The following THSD7A variants were observed in gnomAD, a reference collection of about 807,000 sequenced individuals.
THSD7A encodes thrombospondin type-1 domain-containing protein 7A.
Under a neutral mutation model 231.3 loss-of-function variants are expected in THSD7A, and 96 were observed. That is an observed-to-expected ratio of 0.41 (90% confidence interval 0.35 to 0.49). THSD7A has a LOEUF of 0.49. Among genes scored for constraint, THSD7A ranks in the 20% least tolerant of loss-of-function variants. THSD7A has a pLI of 0.05. For missense variants in THSD7A, 2,290 were observed against 2,070.2 expected, an observed-to-expected ratio of 1.11 and a Z score of -2.06; for synonymous variants, 940 against 743.3, an observed-to-expected ratio of 1.26 and a Z score of -4.30.
rs1221623754 is a variant in THSD7A at position 11,683,241 on chromosome 7, AC to A, written c.191-46281del. Among the ~76,000 whole-genome samples, 3 of 152,020 alleles carry A rather than the reference AC, an allele frequency of 2.0e-5. No homozygotes were observed. In the East Asian group the frequency reaches 5.8e-4, roughly 29 times the overall value. ...CACACAAATACATGGAAACGAAACA[AC>A]TTGCTCCTAAATGACTTTTAGGTGA... On this transcript the variant is annotated intron_variant, in intron 1 of 27. Transcript: ENST00000423059.
Position 11,456,286 on chromosome 7 carries a change from C to T in THSD7A, c.2605+4376G>A, listed in dbSNP as rs11770077. 5.8e-3 allele frequency among the ~76,000 whole-genome samples: 874 copies of T among 151,968 alleles called. 8 individuals are homozygous for T. The highest frequency in any genetic ancestry group is 8.5e-3 in the Non-Finnish European group (580 of 67,890). On this transcript the variant is annotated intron_variant, in intron 11 of 27. Coordinates refer to ENST00000423059, the MANE Select transcript of THSD7A (RefSeq NM_015204.3). ...TGTTTTTCTCTCTTGTCTTCCATAG[C>T]CCATGTATTTTCTGGTTTCACCTTT...
intron 4 of THSD7A, among the ~76,000 whole-genome samples, chr7:11,577,812 A>G (rs1455609800): frequency 1.3e-5 from 2 of 151,910 alleles, no homozygotes; most frequent in Non-Finnish European, 2.9e-5. Flanking sequence ...GAGTAACCTA[A>G]CAATCCGAGG....
At chr7:11,534,427 C>G (rs769939619) in intron 6 of THSD7A, among the ~76,000 whole-genome samples, 6 of 152,134 alleles carry the variant, frequency 3.9e-5, no homozygotes, top group Non-Finnish European at 5.9e-5. Flanking sequence ...AGAAGCTGAT[C>G]TAGCTTATTG....
chr7:11,757,935 T>C (rs55786242), intron 1 of THSD7A, among the ~76,000 whole-genome samples: 25,197 of 149,862 alleles, frequency 0.17, 2,478 homozygotes, highest in South Asian at 0.28. Context: ...ATAATAATAA[T>C]AATGATTATA....
intron 1 of THSD7A, among the ~76,000 whole-genome samples, chr7:11,800,035 C>G (rs76784515): frequency 1.3e-5 from 2 of 152,184 alleles, no homozygotes; most frequent in East Asian, 3.9e-4. Context: ...TTAACTGAAC[C>G]AGGAGAGTGT....
chr7:11,383,576 A>G (rs1385302339), intron 23 of THSD7A, among the ~76,000 whole-genome samples: 2 of 151,978 alleles, frequency 1.3e-5, no homozygotes, highest in Non-Finnish European at 2.9e-5. Context: ...AAAGACTGCC[A>G]TTGCTCTAAA....
rs117096831 is a variant in THSD7A at position 11,817,483 on chromosome 7, C to T, written c.190+14274G>A. ...TTTGTAATTACACTGTTGACTCTGA[C>T]CAGAGGTAGAGAACAGAGCAATGTC... On this transcript the variant is annotated intron_variant, in intron 1 of 27. Transcript: ENST00000423059. Among the ~76,000 whole-genome samples, 1,474 of 152,184 alleles carry T rather than the reference C, an allele frequency of 9.7e-3. 13 individuals carry two copies. The highest frequency in any genetic ancestry group is 0.027 in the Middle Eastern group (8 of 294).
At position 11,402,609 on chromosome 7, in the gene THSD7A, G is replaced by C. The variant is rs923546870; in HGVS notation, c.4238-641C>G. On this transcript the variant is annotated intron_variant, in intron 22 of 27. Transcript: ENST00000423059. The stretch of plus-strand genomic sequence containing the variant: ...GATCACATATCATAGATGCACAGAT[G>C]ATAGCTGAATTTCGATAATCTGATT... Among the ~76,000 whole-genome samples the C allele has an allele frequency of 2.0e-5, 3 of 152,100 alleles. No individual in the cohort carries two copies. In the South Asian group the frequency reaches 6.2e-4, roughly 32 times the overall value.
At chr7:11,409,018 C>T (rs538158221) in intron 19 of THSD7A, among the ~76,000 whole-genome samples, 1 of 152,342 alleles carries the variant, frequency 6.6e-6, no homozygotes, top group African/African-American at 2.4e-5. Flanking sequence ...CCACCACTTA[C>T]ACATTTTAGT....
At position 11,507,602 on chromosome 7, in the gene THSD7A, T is replaced by TGTG. The variant is rs369872043; in HGVS notation, c.1823-25621_1823-25620insCAC. On this transcript the variant is annotated intron_variant, in intron 6 of 27. Coordinates refer to ENST00000423059, the MANE Select transcript of THSD7A (RefSeq NM_015204.3). ...TGACTCTTCCATGAAATAATGTGTG[T>TGTG]TTTTTTTTTTTTAATTTTTAACTGC... 2.0e-4 allele frequency among the ~76,000 whole-genome samples: 10 copies of TGTG among 51,170 alleles called. 1 individual carries two copies. Among genetic ancestry groups the TGTG allele is most frequent in the East Asian group, 4.6e-4 (1 of 2,196 alleles). 33.6% of individuals were successfully genotyped at this position (51,170 alleles called of 152,430 possible). A position where few individuals can be genotyped will look rare whatever the true frequency, so the allele number is the denominator to read the frequency against.
chr7:11,804,584 A>G (rs1239187196), intron 1 of THSD7A, among the ~76,000 whole-genome samples: 8 of 152,178 alleles, frequency 5.3e-5, no homozygotes, highest in Admixed American at 3.9e-4. Context: ...CAGTGTTCCA[A>G]TCTGCATGGG....
At chr7:11,394,737 G>A (rs1423710183) in intron 23 of THSD7A, among the ~76,000 whole-genome samples, 1 of 152,106 alleles carries the variant, frequency 6.6e-6, no homozygotes, top group Non-Finnish European at 1.5e-5. Context: ...CCAGCTTCTC[G>A]GGGCTGCACT....
intron 1 of THSD7A, among the ~76,000 whole-genome samples, chr7:11,799,238 T>A (rs1340445994): frequency 6.6e-6 from 1 of 152,122 alleles, no homozygotes; most frequent in East Asian, 1.9e-4. Flanking sequence ...CTTTTATGAT[T>A]AAAATCACCA....
chr7:11,443,036 A>G (rs1425569209), intron 13 of THSD7A, among the ~76,000 whole-genome samples: 1 of 152,100 alleles, frequency 6.6e-6, no homozygotes, highest in African/African-American at 2.4e-5. Context: ...ACTTTTTTGA[A>G]GTGATCAAAC....
intron 1 of THSD7A, among the ~76,000 whole-genome samples, chr7:11,780,009 C>T (rs1783572998): frequency 6.6e-6 from 1 of 152,136 alleles, no homozygotes; most frequent in Non-Finnish European, 1.5e-5. Flanking sequence ...ACTTAAACAG[C>T]CAACACTTGT....
At chr7:11,385,334 G>C (rs189575247) in intron 23 of THSD7A, 1 of 151,990 alleles carries the variant, frequency 6.6e-6, no homozygotes, top group African/African-American at 2.4e-5. Context: ...AAAATAAGTG[G>C]CAACAGTGGT....
intron 1 of THSD7A, among the ~76,000 whole-genome samples, chr7:11,803,568 C>T (rs185130678): frequency 3.3e-5 from 5 of 152,142 alleles, no homozygotes; most frequent in African/African-American, 7.2e-5. Flanking sequence ...TAAATATCAG[C>T]ATTTTGCTTT....
chr7:11,748,554 C>G (rs1444478507), intron 1 of THSD7A, among the ~76,000 whole-genome samples: 1 of 151,540 alleles, frequency 6.6e-6, no homozygotes, highest in Non-Finnish European at 1.5e-5. Context: ...CCTTATTCAC[C>G]CTTCCCCTAA....
At chr7:11,523,738 T>C (rs939346213) in intron 6 of THSD7A, among the ~76,000 whole-genome samples, 1 of 152,094 alleles carries the variant, frequency 6.6e-6, no homozygotes, top group Non-Finnish European at 1.5e-5. Flanking sequence ...AACCAGAATA[T>C]ACTGGTCTGT....
Sources: allele counts gnomAD v4.1 joint callset (sites outside exome capture counted in the v4.1 genomes callset), GRCh38; gene constraint gnomAD v4.1.1; transcripts MANE v1.5; gene names NCBI Gene and HGNC (gene_info 2026-07-23, HGNC 2026-07-21).